Variants in TEAD1 observed in about 807,000 individuals in gnomAD.
TEAD1 encodes the protein TEA domain transcription factor 1.
A neutral mutation model predicts 54.9 loss-of-function variants in TEAD1; 9 were observed. That is an observed-to-expected ratio of 0.16 (90% confidence interval 0.10 to 0.29). TEAD1 has a LOEUF of 0.29. Ranked by LOEUF, TEAD1 falls within the 10% of genes least tolerant of loss-of-function variation. The pLI is 1.00. For synonymous variants in TEAD1, 200 were observed against 187.8 expected (o/e 1.07, Z -0.53); for missense variants, 387 against 535.9 (o/e 0.72, Z 2.74).
At chr11:12,856,087 G>A (rs1947371407) in intron 3 of TEAD1, among the ~76,000 whole-genome samples, 1 of 151,638 alleles carries the variant, frequency 6.6e-6, no homozygotes, top group Non-Finnish European at 1.5e-5. Context: ...GTCTCCTGTG[G>A]AAGACATCTT....
At chr11:12,876,895 G>C (rs2074326984) in intron 5 of TEAD1, among the ~76,000 whole-genome samples, 1 of 152,186 alleles carries the variant, frequency 6.6e-6, no homozygotes, top group Non-Finnish European at 1.5e-5. Context: ...GGATGGACAA[G>C]CGAGGAGCAG....
intron 2 of TEAD1, among the ~76,000 whole-genome samples, chr11:12,714,650 T>G (rs545635481): frequency 9.9e-5 from 15 of 152,206 alleles, no homozygotes; most frequent in Non-Finnish European, 2.2e-4. Context: ...GGGGCTGCTG[T>G]AACAAAGCAC....
intron 10 of TEAD1, among the ~76,000 whole-genome samples, chr11:12,915,583 C>T (rs564701559): frequency 1.0e-3 from 153 of 152,320 alleles, no homozygotes; most frequent in Non-Finnish European, 2.8e-4. Flanking sequence ...CATGGTGGCC[C>T]ACGCGTATAA....
rs543891552 is a variant in TEAD1, at chr11:12,732,396, A to T, written c.-54-31783A>T. 2.6e-5 allele frequency among the ~76,000 whole-genome samples: 4 copies of T among 152,310 alleles called. No individual in the cohort carries two copies. In the South Asian group the frequency reaches 8.3e-4, roughly 32 times the overall value. ...TTTTGTCACATGTGACATAGCGGAT[A>T]CCCAGGAAATGTTGCCATGTGAATA... On this transcript the variant is annotated intron_variant, in intron 2 of 12. Transcript: ENST00000527636.
At chr11:12,877,979 T>A (rs1947888967) in intron 5 of TEAD1, among the ~76,000 whole-genome samples, 1 of 151,698 alleles carries the variant, frequency 6.6e-6, no homozygotes, top group Non-Finnish European at 1.5e-5. Context: ...TTTTTTTGTG[T>A]GTGTGTGTGT....
In TEAD1 at chr11:12,864,879, T is replaced by A. The variant is rs563303719; in HGVS notation, c.309T>A (p.Arg103=). 6.2e-7 allele frequency: 1 copy of A among 1,614,174 alleles called. No individual in the cohort carries two copies. The highest frequency in any genetic ancestry group is 2.2e-5 in the East Asian group (1 of 44,876). The change falls in exon 5 of 13, where the codon CGT becomes CGA. Residue 103 remains arginine, a synonymous_variant. Transcript: ENST00000527636. ...AGGTTCTTGCCAGAAGGAAATCTCG[T>A]GATTTTCATTCCAAGCTAAAGGTAT...
At chr11:12,907,556 T>C (rs548353336) in intron 10 of TEAD1, among the ~76,000 whole-genome samples, 1 of 152,348 alleles carries the variant, frequency 6.6e-6, no homozygotes, top group South Asian at 2.1e-4. Context: ...ACAGCGTATT[T>C]AATTACAAAG....
intron 3 of TEAD1, among the ~76,000 whole-genome samples, chr11:12,777,777 G>A (rs1028548139): frequency 6.6e-6 from 1 of 152,164 alleles, no homozygotes; most frequent in Non-Finnish European, 1.5e-5. Context: ...TGCTATTTAG[G>A]TTACTTGGAT....
intron 7 of TEAD1, 90 bp from the exon 8 acceptor site, chr11:12,881,806 C>A: frequency 1.5e-6 from 2 of 1,363,850 alleles, no homozygotes; most frequent in Non-Finnish European, 2.1e-6. Flanking sequence ...GGTGAAGGAC[C>A]TCCCACTGGG....
At chr11:12,692,361 C>T (rs1281734856) in intron 2 of TEAD1, among the ~76,000 whole-genome samples, 7 of 152,250 alleles carry the variant, frequency 4.6e-5, no homozygotes, top group South Asian at 4.2e-4. Context: ...AAGCTGTATG[C>T]GTTCACAGTG....
intron 2 of TEAD1, among the ~76,000 whole-genome samples, chr11:12,681,938 G>T (rs772836987): frequency 3.9e-5 from 6 of 152,218 alleles, no homozygotes; most frequent in Non-Finnish European, 7.3e-5. Flanking sequence ...GGAAGCTCCT[G>T]CCACATCAGT....
At position 12,779,949 on chromosome 11, in the gene TEAD1, A is replaced by T. The variant is rs149877010; in HGVS notation, c.202+15515A>T. Among the ~76,000 whole-genome samples the T allele has an allele frequency of 6.2e-3, 937 of 152,342 alleles. 5 individuals are homozygous for T. The highest frequency in any genetic ancestry group is 0.017 in the Middle Eastern group (5 of 294). On this transcript the variant is annotated intron_variant, in intron 3 of 12. Coordinates refer to ENST00000527636, the MANE Select transcript of TEAD1 (RefSeq NM_021961.6). ...CTAAAGGGCATCTGTGAAAAATCTA[A>T]GCAAATGTATGTAATAGTAAAAGAC... is the stretch of plus-strand genomic sequence containing the variant.
intron 2 of TEAD1, among the ~76,000 whole-genome samples, chr11:12,684,259 T>C (rs1047557651): frequency 6.6e-6 from 1 of 152,208 alleles, no homozygotes; most frequent in African/African-American, 2.4e-5. Context: ...TACGTAATAT[T>C]TGAGGTCATT....
chr11:12,745,333 C>T (rs1490880391), intron 2 of TEAD1, among the ~76,000 whole-genome samples: 1 of 152,188 alleles, frequency 6.6e-6, no homozygotes, highest in Non-Finnish European at 1.5e-5. Context: ...GAGATCCTCT[C>T]TTCTGGAAAC....
intron 3 of TEAD1, among the ~76,000 whole-genome samples, chr11:12,852,347 T>A (rs1947293050): frequency 6.6e-6 from 1 of 151,794 alleles, no homozygotes; most frequent in African/African-American, 2.4e-5. Context: ...GCAAGATGAG[T>A]GGCAGGACAT....
At chr11:12,788,049 GCCTCCA>G (rs1945716654) in intron 3 of TEAD1, among the ~76,000 whole-genome samples, 1 of 149,492 alleles carries the variant, frequency 6.7e-6, no homozygotes, top group Admixed American at 6.7e-5. Context: ...TGCAACCTCC[GCCTCCA>G]GAGTTCGGGT....
At chr11:12,817,130 G>C (rs1003920372) in intron 3 of TEAD1, among the ~76,000 whole-genome samples, 1 of 152,170 alleles carries the variant, frequency 6.6e-6, no homozygotes, top group Admixed American at 6.5e-5. Flanking sequence ...CAGGCCTTGC[G>C]CTGCTTGGAT....
intron 2 of TEAD1, among the ~76,000 whole-genome samples, chr11:12,737,831 T>A (rs935713778): frequency 1.3e-5 from 2 of 152,180 alleles, no homozygotes; most frequent in Non-Finnish European, 2.9e-5. Flanking sequence ...TATTAGTCCA[T>A]TTTTACGCTG....
chr11:12,829,420 C>T (rs1255712097), intron 3 of TEAD1, among the ~76,000 whole-genome samples: 3 of 152,160 alleles, frequency 2.0e-5, no homozygotes, highest in Admixed American at 6.5e-5. Context: ...AAGTATGCCT[C>T]GGAGCAACTG....
Sources: allele counts gnomAD v4.1 joint callset (sites outside exome capture counted in the v4.1 genomes callset), GRCh38; gene constraint gnomAD v4.1.1; transcripts MANE v1.5; gene names NCBI Gene and HGNC (gene_info 2026-07-23, HGNC 2026-07-21).